The following IL17RD variants were observed in gnomAD, a reference collection of about 807,000 sequenced individuals.
IL17RD encodes the protein interleukin 17 receptor D.
Under a neutral mutation model 80.5 loss-of-function variants are expected in IL17RD, and 52 were observed. That is an observed-to-expected ratio of 0.65 (90% CI 0.52 to 0.81). The LOEUF (loss-of-function observed/expected upper bound fraction) is 0.81, where lower values mean the gene tolerates loss of function less well. IL17RD is among the 40% of genes least tolerant of loss of function. The pLI is 0.00. For synonymous variants in IL17RD, 416 were observed against 391.8 expected (o/e 1.06, Z -0.73); for missense variants, 1,024 against 955.1 (o/e 1.07, Z -0.95).
intron 1 of IL17RD, among the ~76,000 whole-genome samples, chr3:57,132,137 G>C (rs1467473224): frequency 6.6e-6 from 1 of 150,858 alleles, no homozygotes; most frequent in Non-Finnish European, 1.5e-5. Flanking sequence ...AGTGAGCCGA[G>C]ATCACACCAC....
chr3:57,110,741 A>G (rs1484223435), intron 3 of IL17RD, among the ~76,000 whole-genome samples: 1 of 152,254 alleles, frequency 6.6e-6, no homozygotes, highest in Non-Finnish European at 1.5e-5. Context: ...TTTTAGCTCT[A>G]CATTTTTTGG....
chr3:57,162,743 G>C (rs901489751), intron 1 of IL17RD, among the ~76,000 whole-genome samples: 3 of 152,166 alleles, frequency 2.0e-5, no homozygotes, highest in Non-Finnish European at 4.4e-5. Context: ...GTCTAATTTG[G>C]TTCAGCCAAT....
At chr3:57,164,889 C>A (rs985290752) in intron 1 of IL17RD, 2 of 1,215,900 alleles carry the variant, frequency 1.6e-6, no homozygotes, top group African/African-American at 3.2e-5. Context: ...GCCCCTCACG[C>A]CCGCCCTCTG....
intron 11 of IL17RD, 117 bp from the exon 12 acceptor site, chr3:57,098,655 T>G: frequency 1.4e-6 from 1 of 702,326 alleles, no homozygotes; most frequent in East Asian, 2.5e-5. Context: ...TTAACCCTTA[T>G]TAGCACAGCT....
intron 2 of IL17RD, among the ~76,000 whole-genome samples, chr3:57,117,260 C>G (rs574209705): frequency 1.1e-4 from 17 of 152,164 alleles, no homozygotes; most frequent in African/African-American, 4.1e-4. Flanking sequence ...ACTACAGGCA[C>G]ATGCCACCAC....
At chr3:57,146,105 T>C (rs1707925552) in intron 1 of IL17RD, among the ~76,000 whole-genome samples, 1 of 152,086 alleles carries the variant, frequency 6.6e-6, no homozygotes, top group East Asian at 1.9e-4. Flanking sequence ...GAACAAAGGT[T>C]TGCTGGCTAA....
At chr3:57,166,696 T>A (rs2060349990), upstream of IL17RD, among the ~76,000 whole-genome samples, 1 of 152,244 alleles carries the variant, frequency 6.6e-6, no homozygotes, top group Non-Finnish European at 1.5e-5. Flanking sequence ...TCTTCCACTC[T>A]GTCTTTACCA....
chr3:57,098,345 G>A lies in IL17RD; in HGVS notation c.1358C>T (p.Ala453Val). ...GAGCTTTTCGGCAATGGCTGACACC[G>A]CCACCAGGAAGAGCTCTCCTTTCCC... ...GSGKGELFLVAVSAIAEKLRQ... is the reference protein window; with the variant it reads ...GSGKGELFLVVVSAIAEKLRQ... The change falls in exon 12 of 13, where the codon GCG (alanine) becomes GTG (valine). Residue 453 changes from alanine (A) to valine (V), a missense_variant. By Grantham distance (64) the Ala-to-Val change is moderately conservative (BLOSUM62 0). Coordinates refer to ENST00000296318, the MANE Select transcript of IL17RD (RefSeq NM_017563.5). The A allele has an allele frequency of 1.9e-6, 3 of 1,613,998 alleles. No individual in the cohort carries two copies. Among genetic ancestry groups the A allele is most frequent in the East Asian group, 2.2e-5 (1 of 44,880 alleles).
At chr3:57,137,796 C>T (rs535158925) in intron 1 of IL17RD, among the ~76,000 whole-genome samples, 1 of 152,268 alleles carries the variant, frequency 6.6e-6, no homozygotes, top group East Asian at 1.9e-4. Context: ...CTCTAATCTT[C>T]CCCTGTTGCT....
chr3:57,161,274 GGAGCCAT>G (rs1405153273), intron 1 of IL17RD, among the ~76,000 whole-genome samples: 1 of 152,214 alleles, frequency 6.6e-6, no homozygotes, highest in Non-Finnish European at 1.5e-5. Context: ...TGTGGGCTTA[GGAGCCAT>G]GAGCTGCAAG....
upstream of IL17RD, among the ~76,000 whole-genome samples, chr3:57,167,768 T>A (rs2060354349): frequency 1.3e-5 from 2 of 152,252 alleles, no homozygotes; most frequent in Non-Finnish European, 2.9e-5. Context: ...CCATCTTAAT[T>A]GGCTTCTCTG....
At chr3:57,166,298 G>A (rs1369537832), upstream of IL17RD, among the ~76,000 whole-genome samples, 4 of 152,066 alleles carry the variant, frequency 2.6e-5, no homozygotes, top group Non-Finnish European at 5.9e-5. Flanking sequence ...CTTTGTCCCC[G>A]TGTCCGATAC....
chr3:57,161,553 A>G (rs2060305196), intron 1 of IL17RD, among the ~76,000 whole-genome samples: 1 of 152,202 alleles, frequency 6.6e-6, no homozygotes, highest in Non-Finnish European at 1.5e-5. Context: ...CAGGGGGAGT[A>G]GGAATTATGT....
At chr3:57,160,388 G>A (rs1579325321) in intron 1 of IL17RD, among the ~76,000 whole-genome samples, 1 of 152,234 alleles carries the variant, frequency 6.6e-6, no homozygotes, top group East Asian at 1.9e-4. Context: ...CCTTTGTTGG[G>A]AAGTTGTAAG....
intron 4 of IL17RD, among the ~76,000 whole-genome samples, 165 bp downstream of exon 4, chr3:57,110,028 G>T (rs1402864959): frequency 6.6e-6 from 1 of 151,670 alleles, no homozygotes; most frequent in African/African-American, 2.4e-5. Context: ...AATTTCCCTG[G>T]GAGCGTGGAG....
At chr3:57,133,278 G>A (rs747429822) in intron 1 of IL17RD, among the ~76,000 whole-genome samples, 1 of 152,204 alleles carries the variant, frequency 6.6e-6, no homozygotes, top group Non-Finnish European at 1.5e-5. Flanking sequence ...AATGATCCCT[G>A]TAACTTTACA....
At chr3:57,119,102 C>A (rs1707278515) in intron 2 of IL17RD, among the ~76,000 whole-genome samples, 1 of 152,158 alleles carries the variant, frequency 6.6e-6, no homozygotes, top group Non-Finnish European at 1.5e-5. Flanking sequence ...CCTGTAATCC[C>A]AGCACTTTGG....
intron 1 of IL17RD, among the ~76,000 whole-genome samples, chr3:57,138,836 G>C (rs1707777212): frequency 6.6e-6 from 1 of 151,578 alleles, no homozygotes. Context: ...CTACTCAGGA[G>C]GCTGAGGCAG....
intron 1 of IL17RD, among the ~76,000 whole-genome samples, chr3:57,143,179 A>T: frequency 6.6e-6 from 1 of 152,204 alleles, no homozygotes; most frequent in Non-Finnish European, 1.5e-5. Context: ...GTATGTCAAA[A>T]ATTTGACCTA....
Sources: gnomAD v4.1 joint callset for allele counts (sites outside exome capture counted in the v4.1 genomes callset) on GRCh38, gnomAD v4.1.1 for gene constraint, MANE v1.5 for transcripts, NCBI Gene and HGNC (gene_info 2026-07-23, HGNC 2026-07-21) for gene names.